GRIN2D: variants seen among roughly 807,000 people sequenced by gnomAD.
GRIN2D encodes the protein glutamate receptor ionotropic, NMDA 2D.
GRIN2D carries 37 observed loss-of-function variants against 103.2 expected under a neutral mutation model. That is an observed-to-expected ratio of 0.36 (90% CI 0.28 to 0.47). The LOEUF (loss-of-function observed/expected upper bound fraction) is 0.47. Among genes scored for constraint, GRIN2D ranks in the 20% least tolerant of loss-of-function variants. The pLI, the probability that GRIN2D is intolerant of heterozygous loss-of-function variation, is 1.00. For synonymous variants in GRIN2D, 845 were observed against 885.6 expected (o/e 0.95, Z 0.81); for missense variants, 1,557 against 1,910.6 (o/e 0.81, Z 3.45).
At position 48,407,241 on chromosome 19, in the gene GRIN2D, G is replaced by A. The variant is rs183787759; in HGVS notation, c.1085+1888G>A. Among the ~76,000 whole-genome samples, 512 of 151,866 alleles carry A rather than the reference G, an allele frequency of 3.4e-3. 3 individuals carry two copies. Among genetic ancestry groups the A allele is most frequent in the African/African-American group, 0.011 (443 of 41,424 alleles). ...GCCCACCTCGGCCTCCCAAAGTGCT[G>A]GGATTCCAGCCGTGAGCCACCGAGC... On this transcript the variant is annotated intron_variant, in intron 4 of 13. Transcript: ENST00000263269.
chr19:48,407,840 T>C (rs1970810001), intron 4 of GRIN2D, among the ~76,000 whole-genome samples: 1 of 152,174 alleles, frequency 6.6e-6, no homozygotes, highest in Non-Finnish European at 1.5e-5. Flanking sequence ...TAGGGGGCTA[T>C]GCTAGGTGGG....
At chr19:48,402,825 T>C (rs1218645881) in intron 3 of GRIN2D, among the ~76,000 whole-genome samples, 1 of 112,964 alleles carries the variant, frequency 8.9e-6, no homozygotes, top group African/African-American at 3.5e-5. Flanking sequence ...AGTCTTGAGA[T>C]AGGGGAAAGA....
intron 2 of GRIN2D, among the ~76,000 whole-genome samples, chr19:48,396,191 G>A (rs276713): frequency 0.21 from 32,234 of 151,854 alleles, 3,689 homozygotes; most frequent in East Asian, 0.35. Flanking sequence ...GGGGAGCGGG[G>A]GGTTGTCCAG....
intron 2 of GRIN2D, among the ~76,000 whole-genome samples, chr19:48,397,271 G>C (rs907575201): frequency 6.6e-6 from 1 of 152,046 alleles, no homozygotes; most frequent in African/African-American, 2.4e-5. Context: ...TCCTTGGGGT[G>C]CCCCACTAAT....
At chr19:48,422,917 C>T (rs1971040583) in intron 11 of GRIN2D, among the ~76,000 whole-genome samples, 2 of 152,022 alleles carry the variant, frequency 1.3e-5, no homozygotes, top group African/African-American at 2.4e-5. Context: ...ATAGTGAAAC[C>T]CCATCTCTAC....
At position 48,443,006 on chromosome 19, in the gene GRIN2D, T is replaced by C. The variant is rs2147476621; in HGVS notation, c.3080T>C (p.Phe1027Ser). The change falls in exon 14 of 14, where the codon TTC becomes TCC. Residue 1027 changes from phenylalanine (F) to serine (S), a missense_variant. By Grantham distance (155) the Phe-to-Ser change is radical. Transcript: ENST00000263269. The surrounding 1 kb of genome is among the most constrained non-coding windows in gnomAD (Gnocchi z 8.9). ...AEPPAGAFPG[F>S]PSPPAPPAAA... ...CCCCCCGCCGGCGCCTTCCCCGGCT[T>C]CCCGTCGCCGCCCGCGCCCCCCGCC... 9.4e-7 allele frequency: 1 copy of C among 1,060,640 alleles called. No homozygotes were observed. The allele number at this position is 1,060,640 out of a possible 1,614,324, so 65.7% of individuals were successfully genotyped here.
In GRIN2D at chr19:48,443,104, C is replaced by T; in HGVS notation, c.3178C>T (p.Arg1060Trp). 9.8e-7 allele frequency: 1 copy of T among 1,020,890 alleles called. No homozygotes were observed. Among genetic ancestry groups the T allele is most frequent in the Non-Finnish European group, 1.2e-6 (1 of 851,152 alleles). The allele number at this position is 1,020,890 out of a possible 1,614,324, so 63.2% of individuals were successfully genotyped here. The change falls in exon 14 of 14, where the codon CGG becomes TGG. Residue 1060 changes from arginine to tryptophan, a missense_variant. Arg to Trp is a moderately radical substitution (Grantham distance 101, BLOSUM62 -3). Coordinates refer to ENST00000263269, the MANE Select transcript of GRIN2D (RefSeq NM_000836.4). This position sits in a 1 kb window ranked among gnomAD's most constrained non-coding sequence, Gnocchi z 8.9. ...FEDESPPAPA[R>W]WPRSDPESQP... ...GGACGAGAGCCCGCCGGCGCCCGCG[C>T]GGTGGCCGCGCTCGGACCCCGAGAG...
chr19:48,396,148 C>T (rs375685687), intron 2 of GRIN2D, among the ~76,000 whole-genome samples: 2 of 151,058 alleles, frequency 1.3e-5, no homozygotes, highest in African/African-American at 4.9e-5. Flanking sequence ...GAAGTGGAAA[C>T]GGAGGCTCAT....
chr19:48,400,577 C>G lies in GRIN2D; in HGVS notation c.465+1720C>G, dbSNP rs147670099. ...CTGAGAAGTGTGGTCCTCTCTGTTT[C>G]ATTGTCCGCTGGGCACTGCGGTCGG... On this transcript the variant is annotated intron_variant, in intron 3 of 13. Transcript: ENST00000263269. Among the ~76,000 whole-genome samples, 304 of 152,316 alleles carry G rather than the reference C, an allele frequency of 2.0e-3. 1 individual carries two copies. Among genetic ancestry groups the G allele is most frequent in the African/African-American group, 6.8e-3 (284 of 41,580 alleles).
In GRIN2D at chr19:48,443,607, G is replaced by A. The variant is rs1272639696; in HGVS notation, c.3681G>A (p.Gly1227=). 7 of 1,122,294 alleles carry A rather than the reference G, an allele frequency of 6.2e-6. No individual in the cohort carries two copies. The highest frequency in any genetic ancestry group is 7.6e-6 in the Non-Finnish European group (7 of 920,160). 69.5% of individuals were successfully genotyped at this position (1,122,294 alleles called of 1,614,324 possible). A position where few individuals can be genotyped will look rare whatever the true frequency, so the allele number is the denominator to read the frequency against. Residue 1227 remains glycine (G), a synonymous_variant, in exon 14 of 14, where the codon GGG becomes GGA. Coordinates refer to ENST00000263269, the MANE Select transcript of GRIN2D (RefSeq NM_000836.4). The surrounding 1 kb of genome is among the most constrained non-coding windows in gnomAD (Gnocchi z 8.9). ...GPLPRRRARC[G]CPRSHPHRPR... is the part of the protein sequence containing the mutation. ...TGCCCCGACGCCGGGCCCGCTGCGG[G>A]TGCCCGCGGTCGCACCCGCACCGCC... is the stretch of plus-strand genomic sequence containing the variant.
intron 2 of GRIN2D, among the ~76,000 whole-genome samples, chr19:48,396,978 C>A (rs760093585): frequency 5.3e-5 from 8 of 152,146 alleles, no homozygotes; most frequent in Admixed American, 4.6e-4. Flanking sequence ...GACCCAGGAG[C>A]CTGGCTCCCA....
chr19:48,432,647 G>A (rs901841629), intron 11 of GRIN2D, among the ~76,000 whole-genome samples: 1 of 147,776 alleles, frequency 6.8e-6, no homozygotes, highest in Non-Finnish European at 1.5e-5. Flanking sequence ...GTGTAGAGAC[G>A]GGGGTCTCAC....
intron 11 of GRIN2D, among the ~76,000 whole-genome samples, chr19:48,430,505 G>A (rs1971142598): frequency 6.6e-6 from 1 of 151,566 alleles, no homozygotes; most frequent in South Asian, 2.1e-4. Context: ...AGCTGATAGG[G>A]GGTTTCACCA....
In GRIN2D at chr19:48,405,031, C is replaced by T; in HGVS notation, c.763C>T (p.Pro255Ser). 6.2e-7 allele frequency: 1 copy of T among 1,611,836 alleles called. No homozygotes were observed. Among genetic ancestry groups the T allele is most frequent in the South Asian group, 1.1e-5 (1 of 90,912 alleles). Residue 255 changes from proline to serine, a missense_variant, in exon 4 of 14, where the codon CCC (proline) becomes TCC (serine). This residue lies in a region of GRIN2D where 490 missense variants were observed against 601.1 expected (regional missense o/e 0.82). Coordinates refer to ENST00000263269, the MANE Select transcript of GRIN2D (RefSeq NM_000836.4). This position sits in a 1 kb window ranked among gnomAD's most constrained non-coding sequence, Gnocchi z 5.1. ...CTTCTGCGCCCGAGAGGAGGCCGAGCCCGTGTTCCGCGCAGCTGAGGAGGC... is the reference window on the plus strand; with the variant it reads ...CTTCTGCGCCCGAGAGGAGGCCGAGTCCGTGTTCCGCGCAGCTGAGGAGGC... ...LLFCAREEAE[P>S]VFRAAEEAGL...
chr19:48,404,280 G>A (rs535160618), intron 3 of GRIN2D, among the ~76,000 whole-genome samples: 13 of 151,442 alleles, frequency 8.6e-5, no homozygotes, highest in Admixed American at 7.2e-4. Flanking sequence ...GTTCCTGATT[G>A]GAGGTGGCTT....
At position 48,419,595 on chromosome 19, in the gene GRIN2D, T is replaced by G; in HGVS notation, c.1872T>G (p.Gly624=). The G allele has an allele frequency of 6.2e-7, 1 of 1,612,482 alleles. No homozygotes were observed. Among genetic ancestry groups the G allele is most frequent in the South Asian group, 1.1e-5 (1 of 91,000 alleles). ...RSLATGKRPG[G]STFTIGKSIW... The stretch of plus-strand genomic sequence containing the variant: ...CCTGGCCCCCTGCAGGCCCTGGCGG[T>G]TCAACCTTCACCATTGGGAAATCCA... Residue 624 remains glycine, a synonymous_variant, in exon 10 of 14, where the codon GGT becomes GGG. Transcript: ENST00000263269.
intron 4 of GRIN2D, 105 bp from the exon 5 acceptor site, chr19:48,413,886 C>T (rs1970908005): frequency 2.9e-6 from 2 of 700,752 alleles, no homozygotes; most frequent in Non-Finnish European, 5.3e-6. Context: ...AGAGAGATTC[C>T]AGCTGGGGGC....
intron 3 of GRIN2D, among the ~76,000 whole-genome samples, chr19:48,400,367 C>CAG (rs1368322015): frequency 6.6e-6 from 1 of 152,220 alleles, no homozygotes; most frequent in Non-Finnish European, 1.5e-5. Context: ...CTGTTGTATG[C>CAG]AGAGGCTCGT....
intron 9 of GRIN2D, 90 bp downstream of exon 9, chr19:48,419,449 CG>C (rs1970989353): frequency 6.7e-7 from 1 of 1,488,646 alleles, no homozygotes; most frequent in Non-Finnish European, 9.1e-7. Context: ...GGAGGGGGGG[CG>C]GTCAAGCTAG....
Sources: gnomAD v4.1 joint callset for allele counts (sites outside exome capture counted in the v4.1 genomes callset) on GRCh38, gnomAD v4.1.1 for gene constraint, gnomAD v4.1.1 regional missense constraint, Gnocchi (gnomAD v3.1) non-coding constraint, MANE v1.5 for transcripts, NCBI Gene and HGNC (gene_info 2026-07-23, HGNC 2026-07-21) for gene names.